CDH4: variants seen among roughly 807,000 people sequenced by gnomAD.
The protein encoded by CDH4 is cadherin-4.
CDH4 carries 33 observed loss-of-function variants against 86.0 expected under a neutral mutation model. The observed-to-expected ratio is 0.38, with a 90% CI of 0.29 to 0.51. CDH4 has a LOEUF of 0.51. Among genes scored for constraint, CDH4 ranks in the 20% least tolerant of loss-of-function variants. The pLI is 0.86. For synonymous variants in CDH4, 555 were observed against 549.4 expected (o/e 1.01, Z -0.14); for missense variants, 1,114 against 1,307.4 (o/e 0.85, Z 2.28).
chr20:61,625,671 C>T (rs2086824290), intron 2 of CDH4, among the ~76,000 whole-genome samples: 1 of 152,176 alleles, frequency 6.6e-6, no homozygotes, highest in African/African-American at 2.4e-5. Context: ...GTTGTATGAG[C>T]AGACACCGTT....
At chr20:61,280,915 C>A (rs369561168) in intron 2 of CDH4, among the ~76,000 whole-genome samples, 1 of 152,210 alleles carries the variant, frequency 6.6e-6, no homozygotes, top group Non-Finnish European at 1.5e-5. Context: ...CCCTGCCGCC[C>A]GCTGCCTGCT....
In CDH4 at chr20:61,506,482, G is replaced by A. The variant is rs111388796; in HGVS notation, c.170-237081G>A. On this transcript the variant is annotated intron_variant, in intron 2 of 15. Coordinates refer to ENST00000614565, the MANE Select transcript of CDH4 (RefSeq NM_001794.5). ...AATACGCTACTGAATACATTACATC[G>A]TATCCACATTATTATTATTTTCTTT... Among the ~76,000 whole-genome samples the A allele has an allele frequency of 3.1e-3, 476 of 152,318 alleles. 2 individuals carry two copies. The highest frequency in any genetic ancestry group is 0.01 in the Middle Eastern group (3 of 294).
chr20:61,335,154 A>G (rs911770610), intron 2 of CDH4, among the ~76,000 whole-genome samples: 2 of 152,214 alleles, frequency 1.3e-5, no homozygotes, highest in Non-Finnish European at 2.9e-5. Context: ...ACAAATGTCA[A>G]TATATTGATA....
rs370567823 is a variant in CDH4, at chr20:61,692,092, TATGTGTGTGTCTGTGTGTATGC to T, written c.170-51452_170-51431del. Among the ~76,000 whole-genome samples, 901 of 152,154 alleles carry T rather than the reference TATGTGTGTGTCTGTGTGTATGC, an allele frequency of 5.9e-3. 10 individuals carry two copies. The highest frequency in any genetic ancestry group is 0.02 in the African/African-American group (821 of 41,460). ...AATGAGGGGTAAAGATGTGTGTGTG[TATGTGTGTGTCTGTGTGTATGC>T]ATGTGTGTGTCTGTGTGTGTCTGTA... On this transcript the variant is annotated intron_variant, in intron 2 of 15. Coordinates refer to ENST00000614565, the MANE Select transcript of CDH4 (RefSeq NM_001794.5).
chr20:61,542,603 A>AT (rs1369993505), intron 2 of CDH4, among the ~76,000 whole-genome samples: 1 of 152,158 alleles, frequency 6.6e-6, no homozygotes, highest in Non-Finnish European at 1.5e-5. Context: ...ATATTGGGGA[A>AT]TTTTTTTAAG....
At chr20:61,845,960 G>A (rs368397350) in intron 5 of CDH4, among the ~76,000 whole-genome samples, 4 of 152,372 alleles carry the variant, frequency 2.6e-5, no homozygotes, top group African/African-American at 4.8e-5. Flanking sequence ...GGAACCCTCC[G>A]GCTTTTCCAC....
chr20:61,267,121 C>A (rs2084161803), intron 2 of CDH4, among the ~76,000 whole-genome samples: 1 of 152,090 alleles, frequency 6.6e-6, no homozygotes, highest in African/African-American at 2.4e-5. Flanking sequence ...AGAGAGCAGC[C>A]CTGTTGACAC....
intron 2 of CDH4, among the ~76,000 whole-genome samples, chr20:61,351,059 G>A (rs1394073059): frequency 6.6e-6 from 1 of 152,110 alleles, no homozygotes; most frequent in Non-Finnish European, 1.5e-5. Flanking sequence ...AATGCCTTGG[G>A]TGTCACAGCC....
intron 2 of CDH4, among the ~76,000 whole-genome samples, chr20:61,274,351 C>CTT: frequency 1.2e-5 from 1 of 86,764 alleles, no homozygotes; most frequent in Non-Finnish European, 2.0e-5. Context: ...TGGGGGATTA[C>CTT]TGCATGCAGT....
At chr20:61,486,119 C>G (rs1353718446) in intron 2 of CDH4, among the ~76,000 whole-genome samples, 1 of 152,202 alleles carries the variant, frequency 6.6e-6, no homozygotes, top group Non-Finnish European at 1.5e-5. Context: ...CCAAAAAATT[C>G]ATAAAACACA....
chr20:61,869,356 C>G (rs1397762972), intron 6 of CDH4, among the ~76,000 whole-genome samples: 1 of 152,258 alleles, frequency 6.6e-6, no homozygotes, highest in East Asian at 1.9e-4. Flanking sequence ...CGCATCCTCT[C>G]AGGCTGCTTC....
chr20:61,918,117 G>C (rs1383313162), intron 9 of CDH4, among the ~76,000 whole-genome samples: 1 of 152,252 alleles, frequency 6.6e-6, no homozygotes, highest in Admixed American at 6.5e-5. Flanking sequence ...ACAGCTCTGG[G>C]GGGGACCCCA....
chr20:61,849,447 G>A (rs1220437082), intron 5 of CDH4, among the ~76,000 whole-genome samples: 2 of 152,224 alleles, frequency 1.3e-5, no homozygotes, highest in Admixed American at 6.5e-5. Context: ...AAGTCCAGAT[G>A]GGCTTGGCTT....
chr20:61,394,906 A>C (rs2085008151), intron 2 of CDH4, among the ~76,000 whole-genome samples: 1 of 133,486 alleles, frequency 7.5e-6, no homozygotes, highest in African/African-American at 2.8e-5. Context: ...TGTCACCCCC[A>C]CCCCGCCCAG....
At chr20:61,593,406 G>C (rs543702828) in intron 2 of CDH4, among the ~76,000 whole-genome samples, 1 of 152,328 alleles carries the variant, frequency 6.6e-6, no homozygotes, top group South Asian at 2.1e-4. Context: ...ACACTGTTCA[G>C]CATTTTCAAG....
In CDH4 at chr20:61,325,396, T is replaced by C. The variant is rs2084531480; in HGVS notation, c.169+70459T>C. On this transcript the variant is annotated intron_variant, in intron 2 of 15. Coordinates refer to ENST00000614565, the MANE Select transcript of CDH4 (RefSeq NM_001794.5). ...ATTTTAAATTCTGTTAATGTCCCCT[T>C]ACCTGTAGATAGTAGGGCCTTGAAA... Among the ~76,000 whole-genome samples the C allele has an allele frequency of 2.0e-5, 3 of 152,210 alleles. No individual in the cohort carries two copies. In the South Asian group the frequency reaches 6.2e-4, roughly 32 times the overall value.
At chr20:61,782,242 G>A (rs1269853547) in intron 4 of CDH4, among the ~76,000 whole-genome samples, 2 of 152,214 alleles carry the variant, frequency 1.3e-5, no homozygotes, top group Non-Finnish European at 2.9e-5. Flanking sequence ...CTGGGAGACA[G>A]AGGTTGCAGT....
At chr20:61,502,091 C>T (rs1159937772) in intron 2 of CDH4, among the ~76,000 whole-genome samples, 2 of 115,848 alleles carry the variant, frequency 1.7e-5, no homozygotes, top group South Asian at 2.6e-4. Context: ...GAGTGGGGGA[C>T]AGGGGTGGGA....
chr20:61,371,725 C>A (rs1019412697), intron 2 of CDH4, among the ~76,000 whole-genome samples: 13 of 152,348 alleles, frequency 8.5e-5, no homozygotes, highest in South Asian at 2.1e-4. Context: ...CCCGTGGAGA[C>A]CTCATCACGC....
Sources: gnomAD v4.1 joint callset for allele counts (sites outside exome capture counted in the v4.1 genomes callset) on GRCh38, gnomAD v4.1.1 for gene constraint, MANE v1.5 for transcripts, NCBI Gene and HGNC (gene_info 2026-07-23, HGNC 2026-07-21) for gene names.